IRGC: variants seen among roughly 807,000 people sequenced by gnomAD.
IRGC encodes interferon-inducible GTPase 5.
Under a neutral mutation model 16.1 loss-of-function variants are expected in IRGC, and 4 were observed. The ratio of observed to expected loss-of-function variants is 0.25; its 90% CI spans 0.12 to 0.57. IRGC has a LOEUF of 0.57. Among genes scored for constraint, IRGC ranks in the 20% least tolerant of loss-of-function variants. The probability of loss-of-function intolerance (pLI) is 0.92; values close to 1 mark genes in which losing one functional copy is unlikely to be tolerated. For missense variants in IRGC, 570 were observed against 643.9 expected, an observed-to-expected ratio of 0.89 and a Z score of 1.24; for synonymous variants, 307 against 299.5, an observed-to-expected ratio of 1.03 and a Z score of -0.26.
At chr19:43,718,260 G>C (rs1302632785) in intron 1 of IRGC, 5 of 345,426 alleles carry the variant, frequency 1.4e-5, no homozygotes, top group African/African-American at 1.1e-4. Flanking sequence ...ACCCAGAGAG[G>C]TGCTTCATTT....
chr19:43,716,898 G>A (rs1457864944), intron 1 of IRGC, among the ~76,000 whole-genome samples: 2 of 152,166 alleles, frequency 1.3e-5, no homozygotes, highest in Non-Finnish European at 2.9e-5. Flanking sequence ...GTCAAATGGG[G>A]ACAGTGATCC....
chr19:43,716,831 T>C (rs980829343), intron 1 of IRGC, among the ~76,000 whole-genome samples: 1 of 152,134 alleles, frequency 6.6e-6, no homozygotes, highest in African/African-American at 2.4e-5. Context: ...GGGTCCTGGC[T>C]ATGCCTCTGG....
Position 43,718,799 on chromosome 19 carries a change from G to T in IRGC, c.241G>T (p.Asp81Tyr), listed in dbSNP as rs1968215323. 1.9e-6 allele frequency: 3 copies of T among 1,612,806 alleles called. No homozygotes were observed. Among genetic ancestry groups the T allele is most frequent in the Non-Finnish European group, 2.5e-6 (3 of 1,179,976 alleles). The part of the protein sequence containing the change: ...INALRGLEAE[D>Y]PGAALTGVME... ...TGCCCTGCGTGGCCTGGAGGCCGAGGACCCTGGCGCGGCTCTCACGGGCGT... is the reference window on the plus strand; with the variant it reads ...TGCCCTGCGTGGCCTGGAGGCCGAGTACCCTGGCGCGGCTCTCACGGGCGT... The change falls in exon 2 of 2, where the codon GAC (aspartate) becomes TAC (tyrosine). Residue 81 changes from aspartate to tyrosine, a missense_variant. By Grantham distance (160) the Asp-to-Tyr change is radical. Transcript: ENST00000244314.
rs773243591 is a variant in IRGC at position 43,719,910 on chromosome 19, T to G, written c.1352T>G (p.Ile451Ser). 9 of 1,613,576 alleles carry G rather than the reference T, an allele frequency of 5.6e-6. No individual in the cohort carries two copies. The South Asian group carries it at 9.9e-5, about 18-fold the overall frequency. ...CRKLGLLLKY[I>S]LDSWKKHDSE... is the part of the protein sequence containing the mutation. ...AAGCTCGGCCTCCTTCTTAAGTACA[T>G]TCTGGACAGCTGGAAGAAACACGAC... The change falls in exon 2 of 2, where the codon ATT becomes AGT. Residue 451 changes from isoleucine to serine, a missense_variant. Coordinates refer to ENST00000244314, the MANE Select transcript of IRGC (RefSeq NM_019612.4).
intron 1 of IRGC, among the ~76,000 whole-genome samples, chr19:43,717,855 C>A (rs1347503108): frequency 6.6e-6 from 1 of 152,168 alleles, no homozygotes. Context: ...GGACCTTGAT[C>A]TCGGAAGTTC....
rs371161609 is a variant in IRGC at position 43,718,744 on chromosome 19, G to A, written c.186G>A (p.Glu62=). Residue 62 remains glutamate (E), a synonymous_variant, in exon 2 of 2, where the codon GAG becomes GAA. Coordinates refer to ENST00000244314, the MANE Select transcript of IRGC (RefSeq NM_019612.4). ...SIRLEVGVTG[E]SGAGKSSLIN... Reference sequence around the variant, plus strand: ...GCCTGGAGGTGGGCGTCACGGGCGAGTCGGGCGCGGGCAAGTCCTCCCTCA... The same window carrying A: ...GCCTGGAGGTGGGCGTCACGGGCGAATCGGGCGCGGGCAAGTCCTCCCTCA... 2 of 1,612,750 alleles carry A rather than the reference G, an allele frequency of 1.2e-6. No individual in the cohort carries two copies. Among genetic ancestry groups the A allele is most frequent in the African/African-American group, 2.7e-5 (2 of 74,942 alleles).
rs748808155 is a variant in IRGC at position 43,718,693 on chromosome 19, G to A, written c.135G>A (p.Glu45=). The A allele has an allele frequency of 5.0e-6, 8 of 1,613,490 alleles. No homozygotes were observed. In the East Asian group the frequency reaches 1.8e-4, roughly 36 times the overall value. The change falls in exon 2 of 2, where the codon GAG becomes GAA. Residue 45 remains glutamate, a synonymous_variant. Transcript: ENST00000244314. The part of the protein sequence containing the change: ...DLPQAASHLQ[E]LLASTESIRL... ...CCCAGGCCGCCTCTCACCTCCAGGA[G>A]CTGCTGGCCTCCACGGAAAGCATCC...
intron 1 of IRGC, among the ~76,000 whole-genome samples, chr19:43,717,223 A>G (rs1275821745): frequency 6.6e-6 from 1 of 152,158 alleles, no homozygotes; most frequent in Non-Finnish European, 1.5e-5. Flanking sequence ...GGCTAGCTGA[A>G]CGGGGTTTGT....
rs1968204814 is a variant in IRGC, at chr19:43,718,493, G to A, written c.-66G>A. The A allele has an allele frequency of 1.3e-6, 2 of 1,509,970 alleles. No homozygotes were observed. The highest frequency in any genetic ancestry group is 1.4e-5 in the African/African-American group (1 of 71,764). The allele number at this position is 1,509,970 out of a possible 1,614,324, so 93.5% of individuals were successfully genotyped here. On this transcript the variant is annotated splice_region_variant and 5_prime_UTR_variant, in exon 2 of 2. Coordinates refer to ENST00000244314, the MANE Select transcript of IRGC (RefSeq NM_019612.4). ...TGAATGGCTCCCTTCTCCTCTGCAG[G>A]CGCTGAGGATCACGCATCCTGTGAC...
chr19:43,716,770 G>A (rs1968175755), intron 1 of IRGC, among the ~76,000 whole-genome samples: 1 of 152,140 alleles, frequency 6.6e-6, no homozygotes, highest in Admixed American at 6.5e-5. Flanking sequence ...ACATGCAGCT[G>A]AAGGGAGAGT....
Position 43,719,316 on chromosome 19 carries a change from T to C in IRGC, c.758T>C (p.Leu253Pro). The C allele has an allele frequency of 6.2e-7, 1 of 1,611,042 alleles. No individual in the cohort carries two copies. The highest frequency in any genetic ancestry group is 8.5e-7 in the Non-Finnish European group (1 of 1,178,272). The change falls in exon 2 of 2, where the codon CTG (leucine) becomes CCG (proline). Residue 253 changes from leucine (L) to proline (P), a missense_variant. Transcript: ENST00000244314. ...AGLLSLPDISLEALQKKKAML... is the reference protein window; with the variant it reads ...AGLLSLPDISPEALQKKKAML... ...CTGCTGTCGCTCCCCGACATCTCGC[T>C]GGAGGCCTTGCAGAAGAAGAAGGCC...
At chr19:43,718,260 G>A (rs1302632785) in intron 1 of IRGC, 1 of 345,308 alleles carries the variant, frequency 2.9e-6, no homozygotes, top group Non-Finnish European at 5.2e-6. Flanking sequence ...ACCCAGAGAG[G>A]TGCTTCATTT....
Position 43,719,033 on chromosome 19 carries a change from C to T in IRGC, c.475C>T (p.Gln159Ter). The change falls in exon 2 of 2, where the codon CAG becomes TAG. Residue 159 changes from glutamine (Q) to a stop codon, truncating the protein, a stop_gained. Transcript: ENST00000244314. LOFTEE classifies it high-confidence loss of function. ...ETRLAAEILC[Q>*]GKKFYFVRTK... is the part of the protein sequence containing the mutation. ...CCGCCTGGCCGCTGAGATCCTGTGC[C>T]AGGGCAAGAAGTTCTACTTTGTGCG... is the stretch of plus-strand genomic sequence containing the variant. The T allele has an allele frequency of 6.2e-7, 1 of 1,612,852 alleles. No individual in the cohort carries two copies. Among genetic ancestry groups the T allele is most frequent in the Non-Finnish European group, 8.5e-7 (1 of 1,179,876 alleles).
chr19:43,718,421 TCC>T (rs1207535276), intron 1 of IRGC, 70 bp from the exon 2 acceptor site: 3 of 1,444,294 alleles, frequency 2.1e-6, no homozygotes, highest in Non-Finnish European at 2.7e-6. Flanking sequence ...TCCCTTCACA[TCC>T]GTGGTATCTG....
chr19:43,718,920 C>A lies in IRGC; in HGVS notation c.362C>A (p.Pro121Gln), dbSNP rs769719908. The A allele has an allele frequency of 1.4e-5, 22 of 1,612,792 alleles. No individual in the cohort carries two copies. The highest frequency in any genetic ancestry group is 1.9e-5 in the Non-Finnish European group (22 of 1,179,764). ...DLPGAGSPGCPADKYLKQVDF... is the reference protein window; with the variant it reads ...DLPGAGSPGCQADKYLKQVDF... The stretch of plus-strand genomic sequence containing the variant: ...CCAGGAGCCGGCTCTCCAGGCTGCC[C>A]GGCTGACAAGTACCTAAAGCAGGTA... The change falls in exon 2 of 2, where the codon CCG becomes CAG. Residue 121 changes from proline to glutamine, a missense_variant. Transcript: ENST00000244314.
Position 43,719,260 on chromosome 19 carries a change from C to A in IRGC, c.702C>A (p.His234Gln). 2 of 1,608,286 alleles carry A rather than the reference C, an allele frequency of 1.2e-6. No individual in the cohort carries two copies. The highest frequency in any genetic ancestry group is 1.7e-4 in the Middle Eastern group (1 of 6,026). Reference sequence around the variant, plus strand: ...CCACGCTGGTGTCCACCTGGGAGCACGACCTGCCCTCCCACCGGCGCCACG... The same window carrying A: ...CCACGCTGGTGTCCACCTGGGAGCAAGACCTGCCCTCCCACCGGCGCCACG... ...DFPTLVSTWE[H>Q]DLPSHRRHAG... Residue 234 changes from histidine (H) to glutamine (Q), a missense_variant, in exon 2 of 2, where the codon CAC becomes CAA. Coordinates refer to ENST00000244314, the MANE Select transcript of IRGC (RefSeq NM_019612.4).
chr19:43,719,401 G>T lies in IRGC; in HGVS notation c.843G>T (p.Pro281=). The change falls in exon 2 of 2, where the codon CCG becomes CCT. Residue 281 remains proline, a synonymous_variant. Transcript: ENST00000244314. ...TGTTGGGCGTCATCCAGGCCCTGCC[G>T]GTCCCAGGGCTGGCGGCCGCCTACG... is the stretch of plus-strand genomic sequence containing the variant. The part of the protein sequence containing the change: ...ALVLGVIQAL[P]VPGLAAAYDD... 1.9e-6 allele frequency: 3 copies of T among 1,608,642 alleles called. No homozygotes were observed. Among genetic ancestry groups the T allele is most frequent in the Non-Finnish European group, 2.6e-6 (3 of 1,176,458 alleles).
chr19:43,717,905 CA>C (rs890982773), intron 1 of IRGC, among the ~76,000 whole-genome samples: 15 of 152,112 alleles, frequency 9.9e-5, no homozygotes, highest in Non-Finnish European at 1.9e-4. Context: ...CCCATCTCTA[CA>C]AAAAATTTAA....
At chr19:43,716,976 G>A (rs895875165) in intron 1 of IRGC, among the ~76,000 whole-genome samples, 4 of 152,122 alleles carry the variant, frequency 2.6e-5, no homozygotes, top group Non-Finnish European at 5.9e-5. Context: ...TAGAGATGAT[G>A]GGCCAGAGGA....
Sources: allele counts gnomAD v4.1 joint callset (sites outside exome capture counted in the v4.1 genomes callset), GRCh38; gene constraint gnomAD v4.1.1; transcripts MANE v1.5; gene names NCBI Gene and HGNC (gene_info 2026-07-23, HGNC 2026-07-21).